Variants in COL5A2 observed in about 807,000 individuals in gnomAD.
COL5A2 encodes the protein collagen type V alpha 2 chain, also known as collagen alpha-2(V) chain.
In COL5A2, 23 loss-of-function variants were observed where a neutral mutation model predicts 208.2. That is an observed-to-expected ratio of 0.11 (90% CI 0.08 to 0.16). COL5A2 has a LOEUF of 0.16. Ranked by LOEUF, COL5A2 falls within the 10% of genes least tolerant of loss-of-function variation. The pLI is 1.00. For synonymous variants in COL5A2, 625 were observed against 628.5 expected (o/e 0.99, Z 0.08); for missense variants, 1,590 against 1,956.4 (o/e 0.81, Z 3.53).
Position 189,075,442 on chromosome 2 carries a change from T to C in COL5A2, c.1060-5A>G. 6.2e-7 allele frequency: 1 copy of C among 1,604,322 alleles called. No homozygotes were observed. Among genetic ancestry groups the C allele is most frequent in the Non-Finnish European group, 8.5e-7 (1 of 1,171,564 alleles). On this transcript the variant is annotated splice_polypyrimidine_tract_variant and splice_region_variant and intron_variant, in intron 16 of 53. Coordinates refer to ENST00000374866, the MANE Select transcript of COL5A2 (RefSeq NM_000393.5). ...ACCATGTGCACCTCGTTGTCCCTAA[T>C]TAAGAGAAAAAGAGACAAGACAGGA...
chr2:189,050,692 A>G lies in COL5A2; in HGVS notation c.2932-16T>C. On this transcript the variant is annotated splice_polypyrimidine_tract_variant and intron_variant, in intron 42 of 53. Coordinates refer to ENST00000374866, the MANE Select transcript of COL5A2 (RefSeq NM_000393.5). Reference sequence around the variant, plus strand: ...CATCTGGACCCTAATGTTGAGGACAAACTAAAATCAGAAACTATCCAGGGT... The same window carrying G: ...CATCTGGACCCTAATGTTGAGGACAGACTAAAATCAGAAACTATCCAGGGT... 6.5e-7 allele frequency: 1 copy of G among 1,544,012 alleles called. No individual in the cohort carries two copies. The highest frequency in any genetic ancestry group is 8.8e-7 in the Non-Finnish European group (1 of 1,140,378).
chr2:189,255,834 G>C, the COL5A2 span, among the ~76,000 whole-genome samples: 1 of 152,250 alleles, frequency 6.6e-6, no homozygotes, highest in South Asian at 2.1e-4. Flanking sequence ...TCTTGATGAA[G>C]GGATTAAGAT....
intron 1 of COL5A2, among the ~76,000 whole-genome samples, chr2:189,162,227 G>A (rs1688380842): frequency 6.6e-6 from 1 of 152,158 alleles, no homozygotes; most frequent in African/African-American, 2.4e-5. Context: ...CTTCTTGGGA[G>A]TAAGAATTAA....
At chr2:189,055,162 C>G (rs562712225) in intron 35 of COL5A2, among the ~76,000 whole-genome samples, 1 of 152,238 alleles carries the variant, frequency 6.6e-6, no homozygotes, top group South Asian at 2.1e-4. Context: ...GGATTACAGG[C>G]GTGAGCCATC....
the COL5A2 span, among the ~76,000 whole-genome samples, chr2:189,237,561 T>C: frequency 6.6e-6 from 1 of 151,706 alleles, no homozygotes; most frequent in Non-Finnish European, 1.5e-5. Flanking sequence ...AATTAAGAAA[T>C]GCACCTCAGA....
chr2:189,038,987 C>A (rs1210267445), intron 51 of COL5A2, among the ~76,000 whole-genome samples: 1 of 152,088 alleles, frequency 6.6e-6, no homozygotes, highest in African/African-American at 2.4e-5. Flanking sequence ...CCGCACCTGG[C>A]CTGTTTTGTG....
chr2:189,389,190 G>T, the COL5A2 span, among the ~76,000 whole-genome samples: 3 of 152,108 alleles, frequency 2.0e-5, no homozygotes, highest in African/African-American at 7.2e-5. Context: ...GCCCTTCGCT[G>T]TAGCTAATAG....
the COL5A2 span, among the ~76,000 whole-genome samples, chr2:189,399,778 T>C: frequency 4.6e-5 from 7 of 152,126 alleles, no homozygotes; most frequent in Admixed American, 2.0e-4. Context: ...TGGCTCACTG[T>C]AGCCTCAATC....
intron 1 of COL5A2, among the ~76,000 whole-genome samples, chr2:189,219,876 C>T (rs976310890): frequency 6.6e-6 from 1 of 151,530 alleles, no homozygotes; most frequent in African/African-American, 2.4e-5. Flanking sequence ...ATAGAGTGCC[C>T]CCCCCCCACT....
chr2:189,160,828 CTTT>C (rs1013116673), intron 1 of COL5A2, among the ~76,000 whole-genome samples: 2 of 132,006 alleles, frequency 1.5e-5, no homozygotes, highest in Non-Finnish European at 3.2e-5. Flanking sequence ...TTTCTTTTTC[CTTT>C]TTTTTTTTTT....
intron 1 of COL5A2, among the ~76,000 whole-genome samples, chr2:189,206,740 C>T (rs917014307): frequency 2.0e-5 from 3 of 151,396 alleles, no homozygotes; most frequent in South Asian, 4.2e-4. Context: ...ATGGGGGACA[C>T]GGGGAAGGCA....
the COL5A2 span, chr2:189,311,156 C>T: frequency 3.1e-6 from 2 of 652,654 alleles, no homozygotes; most frequent in Non-Finnish European, 5.4e-6. Context: ...GGACCCCCAG[C>T]ACTGCACAGC....
chr2:189,213,491 G>A (rs1689241496), intron 1 of COL5A2, among the ~76,000 whole-genome samples: 1 of 152,106 alleles, frequency 6.6e-6, no homozygotes, highest in African/African-American at 2.4e-5. Flanking sequence ...CCATATGATT[G>A]AATTTAACTC....
chr2:189,406,566 G>A, the COL5A2 span, among the ~76,000 whole-genome samples: 7 of 151,992 alleles, frequency 4.6e-5, no homozygotes, highest in African/African-American at 1.7e-4. Flanking sequence ...GTACTTCTTT[G>A]GCTCTTATGA....
In COL5A2 at chr2:189,108,340, A is replaced by C. The variant is rs1356206999; in HGVS notation, c.322+1885T>G. ...ACAATAACCCCACAGAAATGCTTTT[A>C]CTGTAGCTTTTATATTTGAAGGAGA... On this transcript the variant is annotated intron_variant, in intron 2 of 53. Coordinates refer to ENST00000374866, the MANE Select transcript of COL5A2 (RefSeq NM_000393.5). Among the ~76,000 whole-genome samples, 4 of 151,846 alleles carry C rather than the reference A, an allele frequency of 2.6e-5. No homozygotes were observed. In the East Asian group the frequency reaches 7.7e-4, roughly 29 times the overall value.
At chr2:189,161,469 T>C (rs1045403106) in intron 1 of COL5A2, among the ~76,000 whole-genome samples, 3 of 152,192 alleles carry the variant, frequency 2.0e-5, no homozygotes, top group African/African-American at 7.2e-5. Context: ...TTGATGTACA[T>C]ATTTTTATAA....
chr2:189,126,433 GT>G (rs929251821), intron 1 of COL5A2, among the ~76,000 whole-genome samples: 1 of 151,974 alleles, frequency 6.6e-6, no homozygotes, highest in Admixed American at 6.6e-5. Flanking sequence ...TTAAAAATAA[GT>G]TTTTTTATTT....
chr2:189,183,005 C>T (rs562777555), upstream of COL5A2, among the ~76,000 whole-genome samples: 481 of 152,230 alleles, frequency 3.2e-3, 4 homozygotes, highest in African/African-American at 0.011. Flanking sequence ...CACTAATAGT[C>T]AATCTTGAAA....
the COL5A2 span, among the ~76,000 whole-genome samples, chr2:189,287,432 G>A: frequency 6.6e-6 from 1 of 151,932 alleles, no homozygotes; most frequent in Non-Finnish European, 1.5e-5. Flanking sequence ...AAGGTGGGGA[G>A]GTTGGGGAAA....
Sources: gnomAD v4.1 joint callset for allele counts (sites outside exome capture counted in the v4.1 genomes callset) on GRCh38, gnomAD v4.1.1 for gene constraint, MANE v1.5 for transcripts, NCBI Gene and HGNC (gene_info 2026-07-23, HGNC 2026-07-21) for gene names.